MASP1: variants seen among roughly 807,000 people sequenced by gnomAD.
MASP1 encodes the protein MBL associated serine protease 1.
Under a neutral mutation model 77.1 loss-of-function variants are expected in MASP1, and 59 were observed. The observed-to-expected ratio is 0.77, with a 90% CI of 0.62 to 0.95. MASP1 has a LOEUF of 0.95. Among genes scored for constraint, MASP1 ranks in the 40% least tolerant of loss-of-function variants. MASP1 has a pLI of 0.00. For missense variants in MASP1, 885 were observed against 912.9 expected, an observed-to-expected ratio of 0.97 and a Z score of 0.39; for synonymous variants, 362 against 354.5, an observed-to-expected ratio of 1.02 and a Z score of -0.24.
At chr3:187,252,797 T>C (rs1467995383) in intron 6 of MASP1, among the ~76,000 whole-genome samples, 1 of 152,118 alleles carries the variant, frequency 6.6e-6, no homozygotes, top group Non-Finnish European at 1.5e-5. Flanking sequence ...GAAACCCACA[T>C]CCAAATTCTA....
intron 2 of MASP1, among the ~76,000 whole-genome samples, chr3:187,272,125 T>C (rs1340738397): frequency 6.7e-6 from 1 of 150,034 alleles, no homozygotes. Context: ...GAGAGAAGAG[T>C]TTCTTAGTCC....
At chr3:187,233,528 TCCTTTTGCCTATATAAGA>T (rs1712897770), downstream of MASP1, among the ~76,000 whole-genome samples, 1 of 152,210 alleles carries the variant, frequency 6.6e-6, no homozygotes, top group African/African-American at 2.4e-5. Flanking sequence ...TACATTTAAC[TCCTTTTGCCTATATAAGA>T]CCTACATGCA....
intron 4 of MASP1, among the ~76,000 whole-genome samples, 158 bp from the exon 5 acceptor site, chr3:187,257,018 C>T (rs1218362648): frequency 6.6e-6 from 1 of 152,002 alleles, no homozygotes; most frequent in Non-Finnish European, 1.5e-5. Flanking sequence ...AGCTCAAGGT[C>T]GCATGTCTAG....
chr3:187,232,734 C>G (rs945701831), downstream of MASP1, among the ~76,000 whole-genome samples: 3 of 152,126 alleles, frequency 2.0e-5, no homozygotes, highest in African/African-American at 7.2e-5. Context: ...ACCTCAATAC[C>G]TCAGTACCTC....
At chr3:187,282,633 A>G (rs1234749324) in intron 2 of MASP1, among the ~76,000 whole-genome samples, 1 of 151,900 alleles carries the variant, frequency 6.6e-6, no homozygotes, top group African/African-American at 2.4e-5. Context: ...TAGGAGGGCA[A>G]CTCACTGGGT....
chr3:187,249,080 T>C (rs3095758), intron 8 of MASP1, among the ~76,000 whole-genome samples: 118,596 of 152,158 alleles, frequency 0.78, 46,576 homozygotes, highest in African/African-American at 0.88. Context: ...TTTTTTGAGA[T>C]GGAGTCTTGC....
intron 6 of MASP1, among the ~76,000 whole-genome samples, chr3:187,251,962 A>G (rs1183360086): frequency 6.6e-6 from 1 of 152,246 alleles, no homozygotes; most frequent in Non-Finnish European, 1.5e-5. Flanking sequence ...TACTTGTAGA[A>G]TGAAATGGTT....
At chr3:187,226,638 T>G in intron 11 of MASP1, 1 of 718,090 alleles carries the variant, frequency 1.4e-6, no homozygotes, top group Non-Finnish European at 2.5e-6. Context: ...AAAATGGCCA[T>G]GCTTCTCTCC....
At chr3:187,257,278 CTG>C (rs974509352) in intron 4 of MASP1, among the ~76,000 whole-genome samples, 4 of 152,202 alleles carry the variant, frequency 2.6e-5, no homozygotes, top group Non-Finnish European at 5.9e-5. Context: ...TCACTCCTCA[CTG>C]TCTAACCCCT....
At chr3:187,273,767 A>G (rs897946206) in intron 2 of MASP1, among the ~76,000 whole-genome samples, 1 of 152,206 alleles carries the variant, frequency 6.6e-6, no homozygotes, top group Non-Finnish European at 1.5e-5. Flanking sequence ...ATGTGTTTGC[A>G]TGTGTGTGCT....
chr3:187,221,157 G>A, intron 14 of MASP1: 2 of 1,581,040 alleles, frequency 1.3e-6, no homozygotes, highest in East Asian at 2.2e-5. Context: ...GCTGTTATTG[G>A]TCCTCATCCC....
chr3:187,230,832 T>C (rs976177004), downstream of MASP1, among the ~76,000 whole-genome samples: 4 of 152,238 alleles, frequency 2.6e-5, no homozygotes, highest in Admixed American at 2.6e-4. Flanking sequence ...GTTCTAGGTC[T>C]CCTGACTCCC....
chr3:187,257,404 T>C (rs1715185785), intron 4 of MASP1, among the ~76,000 whole-genome samples: 1 of 152,072 alleles, frequency 6.6e-6, no homozygotes. Flanking sequence ...AGAACTTTAC[T>C]ATGTCACCTA....
intron 10 of MASP1, among the ~76,000 whole-genome samples, chr3:187,241,210 C>A (rs897876888): frequency 1.3e-5 from 2 of 152,182 alleles, no homozygotes; most frequent in African/African-American, 4.8e-5. Flanking sequence ...GATGCACATG[C>A]AAACTGTGTT....
At position 187,223,162 on chromosome 3, in the gene MASP1, G is replaced by C. The variant is rs148556944; in HGVS notation, c.1774C>G (p.Gln592Glu). The change falls in exon 14 of 16, where the codon CAG (glutamine) becomes GAG (glutamate). Residue 592 changes from glutamine (Q) to glutamate (E), a missense_variant. Coordinates refer to the MASP1 transcript ENST00000337774. Reference sequence around the variant, plus strand: ...GTCTCTGGGAACCTTTGCAAGAACTGCTTCCCCCAGCCGCTGACGATGACC... The same window carrying C: ...GTCTCTGGGAACCTTTGCAAGAACTCCTTCCCCCAGCCGCTGACGATGACC... 1.3e-5 allele frequency: 21 copies of C among 1,614,038 alleles called. No homozygotes were observed. Among genetic ancestry groups the C allele is most frequent in the Non-Finnish European group, 1.7e-5 (20 of 1,180,014 alleles).
intron 1 of MASP1, among the ~76,000 whole-genome samples, chr3:187,286,897 T>C (rs75467537): frequency 0.011 from 1,634 of 152,326 alleles, 32 homozygotes; most frequent in African/African-American, 0.038. Flanking sequence ...TTTCTGTTCA[T>C]GGTACTACCA....
In MASP1 at chr3:187,262,595, A is replaced by G. The variant is rs1276986657; in HGVS notation, c.363T>C (p.Asp121=). Residue 121 remains aspartate (D), a synonymous_variant, in exon 3 of 11, where the codon GAT becomes GAC. Transcript: ENST00000296280. ...GSFMSITFRS[D]FSNEERFTGF... ...CTGTGAAACGCTCCTCATTGGAGAAATCTGACCGGAAAGTGATGGACATGA... is the reference window on the plus strand; with the variant it reads ...CTGTGAAACGCTCCTCATTGGAGAAGTCTGACCGGAAAGTGATGGACATGA... The G allele has an allele frequency of 6.2e-6, 10 of 1,614,126 alleles. No individual in the cohort carries two copies. The highest frequency in any genetic ancestry group is 1.6e-4 in the Middle Eastern group (1 of 6,062).
intron 15 of MASP1, chr3:187,220,919 C>T (rs1306350551): frequency 1.3e-6 from 1 of 772,736 alleles, no homozygotes; most frequent in African/African-American, 1.7e-5. Flanking sequence ...TCCTCCAGTC[C>T]CCCGCGCCCC....
At chr3:187,286,118 A>G (rs1254097804) in intron 1 of MASP1, 62 bp from the exon 2 acceptor site, 3 of 1,259,268 alleles carry the variant, frequency 2.4e-6, no homozygotes, top group Non-Finnish European at 3.5e-6. Flanking sequence ...CATTCATCTC[A>G]ATCACAGCCA....
Sources: allele counts gnomAD v4.1 joint callset (sites outside exome capture counted in the v4.1 genomes callset), GRCh38; gene constraint gnomAD v4.1.1; transcripts MANE v1.5; gene names NCBI Gene and HGNC (gene_info 2026-07-23, HGNC 2026-07-21).